Variants in MDN1 observed in about 807,000 individuals in gnomAD.
The protein encoded by MDN1 is midasin.
A neutral mutation model predicts 669.2 loss-of-function variants in MDN1; 266 were observed. The observed-to-expected ratio is 0.40, with a 90% confidence interval of 0.36 to 0.44. The LOEUF (loss-of-function observed/expected upper bound fraction) is 0.44. MDN1 is among the 20% of genes least tolerant of loss of function. MDN1 has a pLI of 1.00. For missense variants in MDN1, 5,940 were observed against 6,754.0 expected (o/e 0.88, Z 4.22); for synonymous variants, 2,385 against 2,457.1 (o/e 0.97, Z 0.87).
At chr6:89,653,437 A>T (rs1222226348) in intron 93 of MDN1, among the ~76,000 whole-genome samples, 1 of 152,256 alleles carries the variant, frequency 6.6e-6, no homozygotes, top group Non-Finnish European at 1.5e-5. Context: ...GTAAAACTGT[A>T]TGATTCTTGA....
chr6:89,677,830 G>C, intron 75 of MDN1, 134 bp from the exon 76 acceptor site: 1 of 1,163,058 alleles, frequency 8.6e-7, no homozygotes, highest in Non-Finnish European at 1.2e-6. Flanking sequence ...CAGACTCTCA[G>C]GCTGCACCCA....
intron 84 of MDN1, among the ~76,000 whole-genome samples, chr6:89,665,309 G>C (rs1195111628): frequency 6.6e-6 from 1 of 152,144 alleles, no homozygotes; most frequent in African/African-American, 2.4e-5. Context: ...TTACAGGTGT[G>C]AGCGACTGAG....
intron 71 of MDN1, among the ~76,000 whole-genome samples, chr6:89,684,395 A>T (rs1267654108): frequency 6.6e-6 from 1 of 151,932 alleles, no homozygotes; most frequent in African/African-American, 2.4e-5. Context: ...TGATTTAAAA[A>T]AAAAAAAAAA....
At chr6:89,755,130 C>T (rs1817175865) in intron 20 of MDN1, among the ~76,000 whole-genome samples, 2 of 151,996 alleles carry the variant, frequency 1.3e-5, no homozygotes, top group Admixed American at 6.6e-5. Context: ...CTTAACTATA[C>T]GTATTTACAC....
chr6:89,801,481 T>C (rs1178231813), intron 2 of MDN1, among the ~76,000 whole-genome samples: 1 of 151,996 alleles, frequency 6.6e-6, no homozygotes, highest in Non-Finnish European at 1.5e-5. Flanking sequence ...TGAAATCCCA[T>C]CTCTACTAAA....
intron 34 of MDN1, 69 bp from the exon 35 acceptor site, chr6:89,730,992 C>G (rs1428973976): frequency 7.2e-7 from 1 of 1,397,054 alleles, no homozygotes; most frequent in Admixed American, 2.2e-5. Flanking sequence ...TAAGCAGGAG[C>G]TCTAGCACAG....
intron 40 of MDN1, among the ~76,000 whole-genome samples, chr6:89,722,156 G>A (rs960552539): frequency 6.6e-6 from 1 of 152,158 alleles, no homozygotes; most frequent in Non-Finnish European, 1.5e-5. Flanking sequence ...AAATGCACAC[G>A]TTATTACAAT....
intron 19 of MDN1, 112 bp downstream of exon 19, chr6:89,758,143 G>C (rs1435747221): frequency 1.3e-6 from 1 of 785,564 alleles, no homozygotes; most frequent in Non-Finnish European, 2.1e-6. Context: ...TGGGAGGACT[G>C]CTTGAACCGG....
chr6:89,664,269 A>AT (rs1196261851), intron 85 of MDN1, among the ~76,000 whole-genome samples: 3 of 152,210 alleles, frequency 2.0e-5, no homozygotes, highest in Non-Finnish European at 4.4e-5. Flanking sequence ...AGGCAGCTAA[A>AT]ACATCAATGT....
At chr6:89,815,302 C>A (rs1008480941) in intron 1 of MDN1, 2 of 476,564 alleles carry the variant, frequency 4.2e-6, no homozygotes, top group South Asian at 1.6e-5. Context: ...AGCAGGAATT[C>A]GGCATCTCCA....
At chr6:89,701,744 C>T in intron 54 of MDN1, 66 bp from the exon 55 acceptor site, 1 of 1,554,550 alleles carries the variant, frequency 6.4e-7, no homozygotes, top group Admixed American at 2.0e-5. Flanking sequence ...GTAAGAGAAG[C>T]CATTAATATT....
At chr6:89,793,990 A>T (rs781389492) in intron 4 of MDN1, 36 bp from the exon 5 acceptor site, 2 of 1,545,026 alleles carry the variant, frequency 1.3e-6, no homozygotes, top group East Asian at 4.5e-5. Flanking sequence ...TTACCTTACC[A>T]CTCAGAAATG....
At chr6:89,794,524 T>G in intron 3 of MDN1, 53 bp downstream of exon 3, 2 of 1,516,386 alleles carry the variant, frequency 1.3e-6, no homozygotes, top group Non-Finnish European at 1.8e-6. Context: ...ACTCCACACA[T>G]GCCCTGTACC....
rs1374358298 is a variant in MDN1 at position 89,695,363 on chromosome 6, C to T, written c.9771+242G>A. Reference sequence around the variant, plus strand: ...TCTACCTGCCCTCTGCCCATTGCACCTATTGGCAGAGATCTCAGAACCTTA... The same window carrying T: ...TCTACCTGCCCTCTGCCCATTGCACTTATTGGCAGAGATCTCAGAACCTTA... On this transcript the variant is annotated intron_variant, in intron 61 of 101. Transcript: ENST00000369393. This position sits in a 1 kb window ranked among gnomAD's most constrained non-coding sequence, Gnocchi z 4.1. 1.3e-5 allele frequency among the ~76,000 whole-genome samples: 2 copies of T among 152,164 alleles called. No individual in the cohort carries two copies. The highest frequency in any genetic ancestry group is 2.9e-5 in the Non-Finnish European group (2 of 68,024).
intron 59 of MDN1, among the ~76,000 whole-genome samples, chr6:89,696,879 C>T (rs1261729480): frequency 1.3e-5 from 2 of 152,188 alleles, no homozygotes; most frequent in Non-Finnish European, 2.9e-5. Flanking sequence ...AGAGCCAACT[C>T]AGGGTGCAAG....
Position 89,743,287 on chromosome 6 carries a change from T to G in MDN1, c.4318-7A>C. On this transcript the variant is annotated splice_polypyrimidine_tract_variant and splice_region_variant and intron_variant, in intron 30 of 101. Coordinates refer to ENST00000369393, the MANE Select transcript of MDN1 (RefSeq NM_014611.3). The stretch of plus-strand genomic sequence containing the variant: ...TTGATGTGTCAATTTCTTCCTATAA[T>G]TTGAAAAAGTGGGGAAAATTAAAGG... The G allele has an allele frequency of 6.2e-7, 1 of 1,613,508 alleles. No homozygotes were observed. Among genetic ancestry groups the G allele is most frequent in the Non-Finnish European group, 8.5e-7 (1 of 1,179,854 alleles).
At chr6:89,756,637 C>A (rs1322108634) in intron 19 of MDN1, among the ~76,000 whole-genome samples, 1 of 152,086 alleles carries the variant, frequency 6.6e-6, no homozygotes, top group East Asian at 1.9e-4. Flanking sequence ...GAAAAAGATA[C>A]AAAAGCCGGG....
intron 26 of MDN1, 110 bp from the exon 27 acceptor site, chr6:89,747,580 T>C (rs1816701096): frequency 3.3e-6 from 4 of 1,225,492 alleles, no homozygotes; most frequent in Admixed American, 2.6e-5. Flanking sequence ...ATTTAAATGA[T>C]TTCATTCCAC....
At chr6:89,803,146 T>C (rs971744218) in intron 2 of MDN1, among the ~76,000 whole-genome samples, 182 bp downstream of exon 2, 2 of 152,206 alleles carry the variant, frequency 1.3e-5, no homozygotes, top group African/African-American at 4.8e-5. Context: ...ACCTAGTAAA[T>C]GCTCACTGAA....
Sources: allele counts gnomAD v4.1 joint callset (sites outside exome capture counted in the v4.1 genomes callset), GRCh38; gene constraint gnomAD v4.1.1; non-coding constraint Gnocchi (gnomAD v3.1); transcripts MANE v1.5; gene names NCBI Gene and HGNC (gene_info 2026-07-23, HGNC 2026-07-21).